CNST: variants seen among roughly 807,000 people sequenced by gnomAD.
CNST encodes consortin, connexin sorting protein.
CNST carries 39 observed loss-of-function variants against 72.4 expected under a neutral mutation model. That is an observed-to-expected ratio of 0.54 (90% CI 0.42 to 0.70). The LOEUF is 0.70. Ranked by LOEUF, CNST falls within the 30% of genes least tolerant of loss-of-function variation. CNST has a pLI of 0.00. For missense variants in CNST, 871 were observed against 868.5 expected, an observed-to-expected ratio of 1.00 and a Z score of -0.04; for synonymous variants, 332 against 320.1, an observed-to-expected ratio of 1.04 and a Z score of -0.40.
chr1:246,591,458 G>T, intron 1 of CNST, 54 bp from the exon 2 acceptor site: 1 of 1,241,188 alleles, frequency 8.1e-7, no homozygotes. Context: ...AAAGATCACT[G>T]AGAATCTGCA....
At chr1:246,616,965 T>C (rs1663748690) in intron 2 of CNST, among the ~76,000 whole-genome samples, 1 of 152,192 alleles carries the variant, frequency 6.6e-6, no homozygotes, top group Non-Finnish European at 1.5e-5. Flanking sequence ...TGTTACATCA[T>C]GAATGCTTTA....
chr1:246,604,739 G>A (rs569346561), intron 2 of CNST, among the ~76,000 whole-genome samples: 4 of 151,458 alleles, frequency 2.6e-5, no homozygotes, highest in South Asian at 4.1e-4. Context: ...CGTGATCTCC[G>A]CCCACTGCAA....
At chr1:246,616,451 G>A (rs899388912) in intron 2 of CNST, among the ~76,000 whole-genome samples, 28 of 152,236 alleles carry the variant, frequency 1.8e-4, no homozygotes, top group Middle Eastern at 3.4e-3. Flanking sequence ...CCAGCTACTC[G>A]GGACACTGAG....
intron 1 of CNST, among the ~76,000 whole-genome samples, chr1:246,578,144 A>G (rs1487634246): frequency 6.6e-6 from 1 of 152,094 alleles, no homozygotes; most frequent in Non-Finnish European, 1.5e-5. Context: ...TGAGGATTGT[A>G]AAAGAAGTAA....
At chr1:246,656,139 C>G (rs1666755745) in intron 9 of CNST, among the ~76,000 whole-genome samples, 1 of 152,166 alleles carries the variant, frequency 6.6e-6, no homozygotes, top group African/African-American at 2.4e-5. Flanking sequence ...ATTGACCAAC[C>G]TAGAGGTTCT....
At chr1:246,622,366 TTAAAGATTCAGC>T (rs1664151171) in intron 3 of CNST, among the ~76,000 whole-genome samples, 1 of 152,216 alleles carries the variant, frequency 6.6e-6, no homozygotes, top group Non-Finnish European at 1.5e-5. Context: ...TAAACATATG[TTAAAGATTCAGC>T]AGCACAAAAT....
At chr1:246,592,209 C>A (rs780451040) in intron 2 of CNST, among the ~76,000 whole-genome samples, 2 of 152,148 alleles carry the variant, frequency 1.3e-5, no homozygotes, top group African/African-American at 2.4e-5. Flanking sequence ...AGTGCTGAGG[C>A]CGGGTACGGT....
intron 6 of CNST, among the ~76,000 whole-genome samples, chr1:246,635,542 C>A (rs1385959007): frequency 6.6e-6 from 1 of 152,188 alleles, no homozygotes; most frequent in Non-Finnish European, 1.5e-5. Flanking sequence ...CCATTATCGT[C>A]TATGTTAAGA....
rs1044969707 is a variant in CNST, at chr1:246,659,368, G to C, written c.1837-831G>C. Reference sequence around the variant, plus strand: ...CCAGCACTTTGGGAGGCCAAGGCGGGCAGATCACGAGGTCAGGAGATCGAG... The same window carrying C: ...CCAGCACTTTGGGAGGCCAAGGCGGCCAGATCACGAGGTCAGGAGATCGAG... On this transcript the variant is annotated intron_variant, in intron 9 of 10. Coordinates refer to ENST00000366513, the MANE Select transcript of CNST (RefSeq NM_152609.3). Among the ~76,000 whole-genome samples, 17 of 152,316 alleles carry C rather than the reference G, an allele frequency of 1.1e-4. No homozygotes were observed. The South Asian group carries it at 2.7e-3, about 24-fold the overall frequency.
At chr1:246,634,048 A>G in intron 5 of CNST, 38 bp downstream of exon 5, 1 of 1,274,864 alleles carries the variant, frequency 7.8e-7, no homozygotes. Flanking sequence ...AATTAGCAGT[A>G]ATCCAACAAG....
chr1:246,654,468 C>T (rs12077604), intron 9 of CNST, among the ~76,000 whole-genome samples: 2,096 of 152,328 alleles, frequency 0.014, 51 homozygotes, highest in African/African-American at 0.047. Flanking sequence ...TTCTTTCAAA[C>T]AATTCCTCGG....
chr1:246,643,445 T>G (rs559174850), intron 8 of CNST, among the ~76,000 whole-genome samples: 2 of 152,314 alleles, frequency 1.3e-5, no homozygotes, highest in African/African-American at 4.8e-5. Flanking sequence ...TTGGGAAAAG[T>G]GCTATTACAG....
intron 10 of CNST, 88 bp from the exon 11 acceptor site, chr1:246,665,612 T>G (rs370864514): frequency 9.4e-7 from 1 of 1,064,576 alleles, no homozygotes; most frequent in African/African-American, 1.6e-5. Flanking sequence ...AGTAGAAATG[T>G]GTAGTTATCT....
chr1:246,577,969 T>C (rs934439939), intron 1 of CNST, among the ~76,000 whole-genome samples: 1 of 151,390 alleles, frequency 6.6e-6, no homozygotes. Context: ...ATAATACTTG[T>C]GGTTTTTTTG....
At chr1:246,646,037 T>C (rs937995086) in intron 8 of CNST, among the ~76,000 whole-genome samples, 4 of 151,908 alleles carry the variant, frequency 2.6e-5, no homozygotes, top group Admixed American at 6.5e-5. Context: ...CCCAGCACTT[T>C]GGGAGGCCGA....
At chr1:246,628,380 C>T (rs547031041) in intron 3 of CNST, among the ~76,000 whole-genome samples, 19 of 152,080 alleles carry the variant, frequency 1.2e-4, no homozygotes, top group African/African-American at 4.3e-4. Flanking sequence ...ATAAGGTATT[C>T]GAGTGTGAGA....
intron 10 of CNST, among the ~76,000 whole-genome samples, chr1:246,664,669 GC>G (rs1183824163): frequency 6.6e-6 from 1 of 151,682 alleles, no homozygotes; most frequent in Non-Finnish European, 1.5e-5. Flanking sequence ...CTCGTGATCC[GC>G]CCGCCTCAGC....
intron 2 of CNST, among the ~76,000 whole-genome samples, chr1:246,605,190 C>T (rs540523061): frequency 6.6e-6 from 1 of 152,284 alleles, no homozygotes; most frequent in South Asian, 2.1e-4. Flanking sequence ...TTAGCAAAGT[C>T]AGTGTACTTC....
intron 9 of CNST, among the ~76,000 whole-genome samples, chr1:246,653,565 T>C (rs763271109): frequency 6.6e-6 from 1 of 152,228 alleles, no homozygotes; most frequent in Non-Finnish European, 1.5e-5. Context: ...CCAGAATTTA[T>C]GTAGATATCT....
Sources: gnomAD v4.1 joint callset for allele counts (sites outside exome capture counted in the v4.1 genomes callset) on GRCh38, gnomAD v4.1.1 for gene constraint, MANE v1.5 for transcripts, NCBI Gene and HGNC (gene_info 2026-07-23, HGNC 2026-07-21) for gene names.